MBD5: variants seen among roughly 807,000 people sequenced by gnomAD.
MBD5 encodes methyl-CpG binding domain protein 5, also known as methyl-CpG-binding domain protein 5.
A neutral mutation model predicts 117.3 loss-of-function variants in MBD5; 13 were observed. The observed-to-expected ratio is 0.11, with a 90% CI of 0.07 to 0.18. MBD5 has a LOEUF of 0.18. MBD5 is among the 10% of genes least tolerant of loss of function. MBD5 has a pLI of 1.00. For synonymous variants in MBD5, 727 were observed against 766.4 expected (o/e 0.95, Z 0.85); for missense variants, 1,879 against 2,093.8 (o/e 0.90, Z 2.00).
intron 1 of MBD5, among the ~76,000 whole-genome samples, chr2:148,136,453 A>C (rs754496798): frequency 3.3e-5 from 5 of 152,222 alleles, no homozygotes; most frequent in Non-Finnish European, 7.3e-5. Flanking sequence ...CAAATGAACA[A>C]ATTAAGCAGA....
rs544875157 is a variant in MBD5, at chr2:148,144,847, G to A, written c.-924-33853G>A. Among the ~76,000 whole-genome samples, 10 of 152,258 alleles carry A rather than the reference G, an allele frequency of 6.6e-5. No homozygotes were observed. In the East Asian group the frequency reaches 1.5e-3, roughly 24 times the overall value. On this transcript the variant is annotated intron_variant, in intron 1 of 13. Coordinates refer to ENST00000642680, the MANE Select transcript of MBD5 (RefSeq NM_001378120.1). ...CCAGTACCATGCTGTTTTGGTTACT[G>A]TACCCTTGTAGTATAGTTTGAAGCC...
intron 1 of MBD5, among the ~76,000 whole-genome samples, chr2:148,077,348 T>C (rs1031814395): frequency 6.6e-6 from 1 of 152,204 alleles, no homozygotes; most frequent in African/African-American, 2.4e-5. Context: ...ATTTGATTTG[T>C]TGCATAGTTA....
chr2:148,372,645 C>A (rs977583268), intron 4 of MBD5, among the ~76,000 whole-genome samples: 9 of 151,794 alleles, frequency 5.9e-5, no homozygotes, highest in African/African-American at 2.2e-4. Flanking sequence ...GGAGAAATGG[C>A]CTTGGACAAA....
chr2:148,133,203 A>G (rs1697092400), intron 1 of MBD5, among the ~76,000 whole-genome samples: 1 of 152,204 alleles, frequency 6.6e-6, no homozygotes, highest in Admixed American at 6.5e-5. Flanking sequence ...CTTAGGTTCA[A>G]TAGTAGTTTA....
At chr2:148,228,815 A>G (rs1007400252) in intron 2 of MBD5, among the ~76,000 whole-genome samples, 1 of 152,170 alleles carries the variant, frequency 6.6e-6, no homozygotes, top group South Asian at 2.1e-4. Flanking sequence ...CAGAGATTCA[A>G]CTTCTTCCTG....
intron 2 of MBD5, among the ~76,000 whole-genome samples, chr2:148,203,993 C>T (rs1167694856): frequency 1.3e-5 from 2 of 152,032 alleles, no homozygotes; most frequent in Admixed American, 6.5e-5. Flanking sequence ...GTATAAGGGT[C>T]AAACCTGAAC....
chr2:148,174,758 C>A (rs1698341928), intron 1 of MBD5, among the ~76,000 whole-genome samples: 1 of 147,596 alleles, frequency 6.8e-6, no homozygotes, highest in South Asian at 2.2e-4. Flanking sequence ...TATATAATTT[C>A]ACACCTCTCA....
intron 5 of MBD5, among the ~76,000 whole-genome samples, chr2:148,461,741 C>T (rs1003046602): frequency 1.3e-5 from 2 of 152,066 alleles, no homozygotes; most frequent in African/African-American, 4.8e-5. Flanking sequence ...AAAATAACTC[C>T]CATTGTAAAT....
chr2:148,506,850 G>T (rs1682048417), intron 12 of MBD5, among the ~76,000 whole-genome samples: 1 of 152,126 alleles, frequency 6.6e-6, no homozygotes, highest in Non-Finnish European at 1.5e-5. Flanking sequence ...CCACAGGGAG[G>T]CCCTCTGGAC....
At chr2:148,153,634 C>G (rs1471000858) in intron 1 of MBD5, among the ~76,000 whole-genome samples, 2 of 113,754 alleles carry the variant, frequency 1.8e-5, no homozygotes, top group African/African-American at 6.8e-5. Context: ...AGGCTTTGCT[C>G]ATTTCTTTTT....
At chr2:148,141,581 T>A (rs1441156378) in intron 1 of MBD5, among the ~76,000 whole-genome samples, 5 of 152,172 alleles carry the variant, frequency 3.3e-5, no homozygotes, top group Non-Finnish European at 7.3e-5. Flanking sequence ...TATTTAAATT[T>A]TTAAAATTAT....
In MBD5 at chr2:148,041,935, T is replaced by A. The variant is rs1169086089; in HGVS notation, c.-925+20251T>A. Among the ~76,000 whole-genome samples, 3 of 152,348 alleles carry A rather than the reference T, an allele frequency of 2.0e-5. No individual in the cohort carries two copies. In the East Asian group the frequency reaches 5.8e-4, roughly 29 times the overall value. ...CTTCTCAGAGCATTGTATGGTCTTTTAACAAGTTAAAGCCATCTTTATCCT... is the reference window on the plus strand; with the variant it reads ...CTTCTCAGAGCATTGTATGGTCTTTAAACAAGTTAAAGCCATCTTTATCCT... On this transcript the variant is annotated intron_variant, in intron 1 of 13. Coordinates refer to ENST00000642680, the MANE Select transcript of MBD5 (RefSeq NM_001378120.1).
intron 3 of MBD5, among the ~76,000 whole-genome samples, chr2:148,293,634 T>A (rs1299530921): frequency 6.6e-6 from 1 of 152,228 alleles, no homozygotes; most frequent in East Asian, 1.9e-4. Flanking sequence ...CTTGTCTAGT[T>A]TCCTTGGCTA....
intron 8 of MBD5, among the ~76,000 whole-genome samples, chr2:148,480,855 A>G (rs1187410105): frequency 6.6e-6 from 1 of 152,080 alleles, no homozygotes; most frequent in East Asian, 1.9e-4. Flanking sequence ...CTCATTCTTT[A>G]AAACACTGAA....
At chr2:148,443,485 C>T (rs1478055648) in intron 4 of MBD5, among the ~76,000 whole-genome samples, 1 of 151,280 alleles carries the variant, frequency 6.6e-6, no homozygotes, top group Non-Finnish European at 1.5e-5. Flanking sequence ...TTGGAAGCAA[C>T]CTATGTGTCC....
At chr2:148,257,886 G>A (rs368040069) in intron 3 of MBD5, among the ~76,000 whole-genome samples, 1 of 152,146 alleles carries the variant, frequency 6.6e-6, no homozygotes, top group Non-Finnish European at 1.5e-5. Flanking sequence ...TCATCAAACA[G>A]TCCATCAAAT....
At chr2:148,449,691 A>G (rs1224502504) in intron 4 of MBD5, among the ~76,000 whole-genome samples, 1 of 152,014 alleles carries the variant, frequency 6.6e-6, no homozygotes, top group Non-Finnish European at 1.5e-5. Flanking sequence ...TTAATGCAGT[A>G]TTCTTTCCGA....
chr2:148,378,420 G>A (rs1280611868), intron 4 of MBD5, among the ~76,000 whole-genome samples: 1 of 152,012 alleles, frequency 6.6e-6, no homozygotes, highest in African/African-American at 2.4e-5. Context: ...CTTATTTTAA[G>A]CATTTCTTTT....
chr2:148,171,246 C>T (rs1244782805), intron 1 of MBD5, among the ~76,000 whole-genome samples: 4 of 152,156 alleles, frequency 2.6e-5, no homozygotes, highest in Non-Finnish European at 5.9e-5. Context: ...AAAATACTAG[C>T]AAACCAAATG....
Sources: gnomAD v4.1 joint callset for allele counts (sites outside exome capture counted in the v4.1 genomes callset) on GRCh38, gnomAD v4.1.1 for gene constraint, MANE v1.5 for transcripts, NCBI Gene and HGNC (gene_info 2026-07-23, HGNC 2026-07-21) for gene names.